Variants in ADAMTSL1 observed in about 807,000 individuals in gnomAD.
The protein encoded by ADAMTSL1 is ADAMTS like 1, also known as ADAMTS-like protein 1.
A neutral mutation model predicts 201.8 loss-of-function variants in ADAMTSL1; 126 were observed. The observed-to-expected ratio is 0.62, with a 90% confidence interval of 0.54 to 0.72. The LOEUF (loss-of-function observed/expected upper bound fraction) is 0.72, where lower values mean the gene tolerates loss of function less well. Among genes scored for constraint, ADAMTSL1 ranks in the 30% least tolerant of loss-of-function variants. The pLI, the probability that ADAMTSL1 is intolerant of heterozygous loss-of-function variation, is 0.00. For missense variants in ADAMTSL1, 2,679 were observed against 2,277.8 expected, an observed-to-expected ratio of 1.18 and a Z score of -3.59; for synonymous variants, 1,121 against 903.4, an observed-to-expected ratio of 1.24 and a Z score of -4.32.
chr9:18,066,522 T>A (rs1822709790), intron 1 of ADAMTSL1, among the ~76,000 whole-genome samples: 1 of 152,252 alleles, frequency 6.6e-6, no homozygotes, highest in African/African-American at 2.4e-5. Flanking sequence ...AGCAAGTGAT[T>A]ATTAGATGAC....
intron 2 of ADAMTSL1, among the ~76,000 whole-genome samples, chr9:18,174,025 T>C (rs1828025258): frequency 6.6e-6 from 1 of 152,180 alleles, no homozygotes; most frequent in Non-Finnish European, 1.5e-5. Context: ...ATATCTTTAG[T>C]ATAGTTATAA....
intron 2 of ADAMTSL1, among the ~76,000 whole-genome samples, chr9:18,448,011 T>G (rs973324713): frequency 9.9e-5 from 15 of 151,962 alleles, no homozygotes; most frequent in African/African-American, 3.6e-4. Context: ...TTTGTGTGCG[T>G]GCTCGCTCTC....
chr9:18,233,749 A>C (rs147256021), intron 2 of ADAMTSL1, among the ~76,000 whole-genome samples: 1,997 of 152,302 alleles, frequency 0.013, 80 homozygotes, highest in Admixed American at 0.085. Flanking sequence ...TGCCAGAAGC[A>C]CTGTACTGCT....
chr9:17,977,471 A>G (rs747819884), intron 1 of ADAMTSL1, among the ~76,000 whole-genome samples: 2 of 151,908 alleles, frequency 1.3e-5, no homozygotes, highest in Non-Finnish European at 2.9e-5. Flanking sequence ...CAATCTCCTT[A>G]CTCATTATTG....
At chr9:17,953,594 T>C (rs1047324317) in intron 1 of ADAMTSL1, among the ~76,000 whole-genome samples, 2 of 152,180 alleles carry the variant, frequency 1.3e-5, no homozygotes, top group Admixed American at 1.3e-4. Context: ...GGTTTAATAC[T>C]CTGAAAACTG....
chr9:17,928,179 G>A (rs952971876), intron 1 of ADAMTSL1, among the ~76,000 whole-genome samples: 4 of 151,850 alleles, frequency 2.6e-5, no homozygotes, highest in Admixed American at 6.6e-5. Context: ...TGTGTTTTTA[G>A]TAGAGACAGG....
intron 20 of ADAMTSL1, among the ~76,000 whole-genome samples, chr9:18,815,159 A>G (rs894742454): frequency 6.6e-6 from 1 of 152,176 alleles, no homozygotes; most frequent in South Asian, 2.1e-4. Context: ...ATGTTCCTCA[A>G]AAAATTAAAA....
chr9:18,901,148 T>TTA (rs1554661485), intron 26 of ADAMTSL1, among the ~76,000 whole-genome samples: 3 of 143,298 alleles, frequency 2.1e-5, no homozygotes, highest in Non-Finnish European at 3.1e-5. Flanking sequence ...TTTCTTTATT[T>TTA]AAAAAAAAAA....
chr9:17,946,014 T>C (rs1230098409), intron 1 of ADAMTSL1, among the ~76,000 whole-genome samples: 1 of 151,762 alleles, frequency 6.6e-6, no homozygotes. Flanking sequence ...GATTTTTCTG[T>C]ATGTTCGTAA....
At position 18,753,448 on chromosome 9, in the gene ADAMTSL1, G is replaced by A. The variant is rs757606521; in HGVS notation, c.2157G>A (p.Thr719=). The change falls in exon 16 of 29, where the codon ACG becomes ACA. Residue 719 remains threonine (T), a synonymous_variant. Transcript: ENST00000380548. ...DELCRQPKPS[T]VQACNRFNCP... is the part of the protein sequence containing the mutation. Reference sequence around the variant, plus strand: ...TGTGTCGCCAGCCCAAGCCCAGCACGGTGCAAGCTTGTAACCGCTTTAATT... The same window carrying A: ...TGTGTCGCCAGCCCAAGCCCAGCACAGTGCAAGCTTGTAACCGCTTTAATT... 2.0e-5 allele frequency: 32 copies of A among 1,613,332 alleles called. 1 individual carries two copies. The highest frequency in any genetic ancestry group is 1.9e-4 in the South Asian group (17 of 90,910).
chr9:18,078,844 G>T (rs1024707294), intron 1 of ADAMTSL1, among the ~76,000 whole-genome samples: 5 of 152,144 alleles, frequency 3.3e-5, no homozygotes, highest in African/African-American at 1.2e-4. Context: ...AAAGGCAATG[G>T]AGCTGTCTTC....
intron 19 of ADAMTSL1, 64 bp downstream of exon 19, chr9:18,777,970 A>T: frequency 2.0e-6 from 3 of 1,506,484 alleles, no homozygotes; most frequent in Non-Finnish European, 2.7e-6. Flanking sequence ...CCCAAGTCAC[A>T]CTACTTACAC....
intron 23 of ADAMTSL1, among the ~76,000 whole-genome samples, chr9:18,869,931 C>A (rs559831284): frequency 2.0e-5 from 3 of 151,954 alleles, no homozygotes; most frequent in African/African-American, 7.3e-5. Context: ...TATTAGACCT[C>A]AATTTTTTTT....
intron 2 of ADAMTSL1, among the ~76,000 whole-genome samples, chr9:18,511,505 C>T (rs1327109533): frequency 6.6e-6 from 1 of 151,960 alleles, no homozygotes; most frequent in African/African-American, 2.4e-5. Context: ...AAAAATCACA[C>T]AAGAGGTGCC....
intron 1 of ADAMTSL1, among the ~76,000 whole-genome samples, chr9:17,962,475 C>T (rs542279912): frequency 6.6e-6 from 1 of 152,264 alleles, no homozygotes; most frequent in East Asian, 1.9e-4. Flanking sequence ...TGTGCTTTAC[C>T]TTACACAACC....
At chr9:18,795,914 T>C (rs1822391890) in intron 20 of ADAMTSL1, among the ~76,000 whole-genome samples, 1 of 152,222 alleles carries the variant, frequency 6.6e-6, no homozygotes. Context: ...TTGTTCCACC[T>C]GTTGCAAGAA....
At chr9:18,563,512 G>A (rs546899694) in intron 3 of ADAMTSL1, among the ~76,000 whole-genome samples, 10 of 152,362 alleles carry the variant, frequency 6.6e-5, no homozygotes, top group Admixed American at 4.6e-4. Flanking sequence ...TCACGAGGCA[G>A]CCTGTCCCTT....
intron 2 of ADAMTSL1, among the ~76,000 whole-genome samples, chr9:18,334,523 A>G (rs988186713): frequency 6.6e-5 from 10 of 152,224 alleles, no homozygotes; most frequent in Non-Finnish European, 1.2e-4. Flanking sequence ...TATTGGCTGG[A>G]TTGTAAATTT....
chr9:18,503,645 C>G (rs1312128918), intron 1 of ADAMTSL1, among the ~76,000 whole-genome samples: 1 of 151,978 alleles, frequency 6.6e-6, no homozygotes, highest in Non-Finnish European at 1.5e-5. Context: ...AGCTAGGAAG[C>G]TCTAAAGCCA....
Sources: gnomAD v4.1 joint callset for allele counts (sites outside exome capture counted in the v4.1 genomes callset) on GRCh38, gnomAD v4.1.1 for gene constraint, MANE v1.5 for transcripts, NCBI Gene and HGNC (gene_info 2026-07-23, HGNC 2026-07-21) for gene names.